TULP1: variants seen among roughly 807,000 people sequenced by gnomAD.
The protein encoded by TULP1 is TUB like protein 1.
A neutral mutation model predicts 67.1 loss-of-function variants in TULP1; 50 were observed. That is an observed-to-expected ratio of 0.75 (90% CI 0.59 to 0.94). The LOEUF is 0.94. TULP1 is among the 40% of genes least tolerant of loss of function. The probability of loss-of-function intolerance (pLI) is 0.00; values close to 1 mark genes in which losing one functional copy is unlikely to be tolerated. For synonymous variants in TULP1, 297 were observed against 294.0 expected (o/e 1.01, Z -0.11); for missense variants, 746 against 734.1 (o/e 1.02, Z -0.19).
In TULP1 at chr6:35,512,822, C is replaced by T. The variant is rs1761240798; in HGVS notation, c.37G>A (p.Ala13Thr). 1.2e-6 allele frequency: 2 copies of T among 1,609,502 alleles called. No homozygotes were observed. Among genetic ancestry groups the T allele is most frequent in the Non-Finnish European group, 1.7e-6 (2 of 1,177,996 alleles). Reference protein sequence around the residue: ...LRDETLREVWASDSGHEEESL... With the variant: ...LRDETLREVWTSDSGHEEESL... ...GGGGGCCTTCCAGACCTGTCAGAGG[C>T]CCACACCTCTCGGAGGGTTTCATCC... Residue 13 changes from alanine to threonine, a missense_variant, in exon 1 of 15, where the codon GCC (alanine) becomes ACC (threonine). Around this residue, in one of 3 missense-constraint regions of TULP1, gnomAD observed 359 missense variants for 341.9 expected, o/e 1.05. Coordinates refer to ENST00000229771, the MANE Select transcript of TULP1 (RefSeq NM_003322.6).
intron 13 of TULP1, among the ~76,000 whole-genome samples, chr6:35,502,172 TTTC>T (rs1291396772): frequency 6.6e-6 from 1 of 151,948 alleles, no homozygotes; most frequent in Non-Finnish European, 1.5e-5. Flanking sequence ...TTTTAAATTT[TTTC>T]TTTTTATTTT....
chr6:35,509,119 T>A, intron 8 of TULP1, 90 bp downstream of exon 8: 1 of 1,175,522 alleles, frequency 8.5e-7, no homozygotes, highest in Non-Finnish European at 1.3e-6. Flanking sequence ...CTCAAGTGGC[T>A]CCAAGCCCCC....
chr6:35,499,064 G>C (rs780020257), intron 14 of TULP1, among the ~76,000 whole-genome samples: 1 of 152,190 alleles, frequency 6.6e-6, no homozygotes, highest in Non-Finnish European at 1.5e-5. Context: ...TGGCACTGGG[G>C]GCACATCCCT....
chr6:35,500,114 C>A lies in TULP1; in HGVS notation c.1362G>T (p.Thr454=), dbSNP rs41270076. 3 of 1,614,010 alleles carry A rather than the reference C, an allele frequency of 1.9e-6. No individual in the cohort carries two copies. Among genetic ancestry groups the A allele is most frequent in the Admixed American group, 3.3e-5 (2 of 60,008 alleles). The change falls in exon 14 of 15, where the codon ACG becomes ACT. Residue 454 remains threonine (T), a synonymous_variant. Coordinates refer to ENST00000229771, the MANE Select transcript of TULP1 (RefSeq NM_003322.6). ...DGLLVRWQNK[T]LESLIELHNK... ...TGTGCAGTTCTATGAGGCTCTCCAGCGTCTTGTTCTGCCAGCGCACCAGCA... is the reference window on the plus strand; with the variant it reads ...TGTGCAGTTCTATGAGGCTCTCCAGAGTCTTGTTCTGCCAGCGCACCAGCA...
In TULP1 at chr6:35,499,967, C is replaced by T. The variant is rs764439121; in HGVS notation, c.1495+14G>A. On this transcript the variant is annotated intron_variant, in intron 14 of 14. Transcript: ENST00000229771. ...TGGTGGAGAAGAGCCAGACCTGGGCCCTCAGGTACTCACGGTCATCAGCGT... is the reference window on the plus strand; with the variant it reads ...TGGTGGAGAAGAGCCAGACCTGGGCTCTCAGGTACTCACGGTCATCAGCGT... The T allele has an allele frequency of 1.6e-5, 26 of 1,613,770 alleles. No homozygotes were observed. Among genetic ancestry groups the T allele is most frequent in the Non-Finnish European group, 2.2e-5 (26 of 1,179,994 alleles).
intron 11 of TULP1, chr6:35,505,385 G>T (rs548633106): frequency 1.5e-5 from 6 of 388,538 alleles, no homozygotes; most frequent in African/African-American, 6.2e-5. Context: ...GTAAATACTT[G>T]TTGAGTAGCT....
At chr6:35,511,566 T>A in intron 4 of TULP1, 82 bp downstream of exon 4, 1 of 1,547,970 alleles carries the variant, frequency 6.5e-7, no homozygotes, top group Non-Finnish European at 8.7e-7. Context: ...TTTCTGCCTC[T>A]CTGGGCCGTT....
chr6:35,501,423 A>G (rs1283320129), intron 13 of TULP1, among the ~76,000 whole-genome samples: 1 of 144,150 alleles, frequency 6.9e-6, no homozygotes, highest in East Asian at 2.2e-4. Flanking sequence ...GTTTGAAGCC[A>G]GGAGGTCGAG....
At position 35,497,934 on chromosome 6, in the gene TULP1, A is replaced by T. The variant is rs990698551; in HGVS notation, c.*393T>A. 1 of 283,510 alleles carries T rather than the reference A, an allele frequency of 3.5e-6. No homozygotes were observed. Among genetic ancestry groups the T allele is most frequent in the Admixed American group, 4.8e-5 (1 of 20,720 alleles). The allele number at this position is 283,510 out of a possible 1,614,324, so 17.6% of individuals were successfully genotyped here. On this transcript the variant is annotated 3_prime_UTR_variant, in exon 15 of 15. Coordinates refer to ENST00000229771, the MANE Select transcript of TULP1 (RefSeq NM_003322.6). The stretch of plus-strand genomic sequence containing the variant: ...GCCTGGCCCTCGTCCCCCATCACCT[A>T]CCCCCTCCTCCTAGCCCGCCCCAGC...
chr6:35,509,080 G>A (rs1761138488), intron 8 of TULP1, 129 bp downstream of exon 8: 2 of 836,896 alleles, frequency 2.4e-6, no homozygotes, highest in African/African-American at 3.4e-5. Context: ...CTTATATCCT[G>A]TCACAAGAGG....
intron 8 of TULP1, among the ~76,000 whole-genome samples, chr6:35,508,815 GT>G (rs1761130872): frequency 6.6e-6 from 1 of 152,146 alleles, no homozygotes; most frequent in Admixed American, 6.6e-5. Flanking sequence ...GCTCAGGGCT[GT>G]AGGGTGGAAA....
Position 35,512,189 on chromosome 6 carries a change from T to C in TULP1, c.181A>G (p.Lys61Glu). ...TCTGCACCCCGCCCACCTCCGGGCTTCCGGGGCTTGGATCCCGTGGGGCAG... is the reference window on the plus strand; with the variant it reads ...TCTGCACCCCGCCCACCTCCGGGCTCCCGGGGCTTGGATCCCGTGGGGCAG... Reference protein sequence around the residue: ...SPCPTGSKPRKPGAGRTGRPR... With the variant: ...SPCPTGSKPREPGAGRTGRPR... Residue 61 changes from lysine to glutamate, a missense_variant, in exon 3 of 15, where the codon AAG (lysine) becomes GAG (glutamate). Transcript: ENST00000229771. 1 of 1,341,350 alleles carries C rather than the reference T, an allele frequency of 7.5e-7. No individual in the cohort carries two copies. The highest frequency in any genetic ancestry group is 9.6e-7 in the Non-Finnish European group (1 of 1,045,330). 83.1% of individuals were successfully genotyped at this position (1,341,350 alleles called of 1,614,324 possible).
At chr6:35,504,626 T>G (rs545956275) in intron 11 of TULP1, among the ~76,000 whole-genome samples, 40 of 152,152 alleles carry the variant, frequency 2.6e-4, no homozygotes, top group Middle Eastern at 3.4e-3. Context: ...AGTGGCATGA[T>G]CTCTGCTCAC....
intron 8 of TULP1, among the ~76,000 whole-genome samples, chr6:35,507,495 C>T (rs1761109654): frequency 6.6e-6 from 1 of 152,154 alleles, no homozygotes; most frequent in Non-Finnish European, 1.5e-5. Context: ...TGATTTGTTA[C>T]ATAGCAATGC....
intron 13 of TULP1, among the ~76,000 whole-genome samples, chr6:35,502,033 C>G (rs527801133): frequency 1.2e-4 from 19 of 152,270 alleles, no homozygotes; most frequent in South Asian, 2.1e-4. Flanking sequence ...TCCCACTGCC[C>G]AGGTGCTCTT....
intron 8 of TULP1, 148 bp downstream of exon 8, chr6:35,509,061 T>C (rs887314527): frequency 1.3e-6 from 1 of 754,192 alleles, no homozygotes; most frequent in Non-Finnish European, 2.3e-6. Context: ...AAATCTGGTT[T>C]CCTTTGTCCT....
At chr6:35,509,129 C>T in intron 8 of TULP1, 80 bp downstream of exon 8, 3 of 1,299,010 alleles carry the variant, frequency 2.3e-6, no homozygotes, top group South Asian at 2.4e-5. Context: ...TCCAAGCCCC[C>T]ACCCTCTAGG....
Position 35,498,090 on chromosome 6 carries a change from A to C in TULP1, c.*237T>G. 1 of 643,084 alleles carries C rather than the reference A, an allele frequency of 1.6e-6. No homozygotes were observed. The highest frequency in any genetic ancestry group is 2.0e-5 in the South Asian group (1 of 49,896). 39.8% of individuals were successfully genotyped at this position (643,084 alleles called of 1,614,324 possible). On this transcript the variant is annotated 3_prime_UTR_variant, in exon 15 of 15. Transcript: ENST00000229771. The surrounding 1 kb of genome is among the most constrained non-coding windows in gnomAD (Gnocchi z 6.7). ...CGGCGCAGGCGAGCTCCGAGACCAG[A>C]TGTGCGGCTCCAACTCCAGATGTTC... is the stretch of plus-strand genomic sequence containing the variant.
intron 2 of TULP1, 149 bp downstream of exon 2, chr6:35,512,490 A>T: frequency 2.8e-6 from 3 of 1,076,968 alleles, no homozygotes; most frequent in Non-Finnish European, 4.1e-6. Context: ...CCAAGTCCCC[A>T]AACAGCCCTT....
Sources: gnomAD v4.1 joint callset for allele counts (sites outside exome capture counted in the v4.1 genomes callset) on GRCh38, gnomAD v4.1.1 for gene constraint, gnomAD v4.1.1 regional missense constraint, Gnocchi (gnomAD v3.1) non-coding constraint, MANE v1.5 for transcripts, NCBI Gene and HGNC (gene_info 2026-07-23, HGNC 2026-07-21) for gene names.